The following CNST variants were observed in gnomAD, a reference collection of about 807,000 sequenced individuals.
The protein encoded by CNST is consortin, connexin sorting protein, also known as consortin.
CNST carries 39 observed loss-of-function variants against 72.4 expected under a neutral mutation model. The observed-to-expected ratio is 0.54, with a 90% CI of 0.42 to 0.70. CNST has a LOEUF of 0.70. Among genes scored for constraint, CNST ranks in the 30% least tolerant of loss-of-function variants. The pLI is 0.00. For missense variants in CNST, 871 were observed against 868.5 expected, an observed-to-expected ratio of 1.00 and a Z score of -0.04; for synonymous variants, 332 against 320.1, an observed-to-expected ratio of 1.04 and a Z score of -0.40.
In CNST at chr1:246,578,650, A is replaced by G. The variant is rs537158017; in HGVS notation, c.-52+11987A>G. On this transcript the variant is annotated intron_variant, in intron 1 of 10. Transcript: ENST00000366513. ...CGTGCCACTGCACTCCAGCCTAGGC[A>G]ACAGAGAGACTCCGTTTCAAAAAAA... Among the ~76,000 whole-genome samples the G allele has an allele frequency of 5.3e-5, 8 of 152,138 alleles. No individual in the cohort carries two copies. In the South Asian group the frequency reaches 8.3e-4, roughly 16 times the overall value.
At chr1:246,659,908 A>G (rs753954036) in intron 9 of CNST, among the ~76,000 whole-genome samples, 3 of 152,232 alleles carry the variant, frequency 2.0e-5, no homozygotes, top group Non-Finnish European at 4.4e-5. Context: ...AAGTTAAGCT[A>G]CAAAGCAAGG....
At chr1:246,604,799 G>A (rs905133941) in intron 2 of CNST, among the ~76,000 whole-genome samples, 1 of 151,574 alleles carries the variant, frequency 6.6e-6, no homozygotes, top group Non-Finnish European at 1.5e-5. Context: ...CTCCCAAGTA[G>A]CTGGGATTAC....
intron 9 of CNST, among the ~76,000 whole-genome samples, chr1:246,650,039 T>C (rs1431652468): frequency 2.0e-5 from 3 of 152,024 alleles, no homozygotes; most frequent in Non-Finnish European, 2.9e-5. Context: ...TCCCAAATTA[T>C]TTTTCCCCAC....
intron 2 of CNST, among the ~76,000 whole-genome samples, chr1:246,608,650 G>A (rs1022533651): frequency 2.0e-5 from 3 of 152,188 alleles, no homozygotes; most frequent in African/African-American, 4.8e-5. Flanking sequence ...ATTTAAGCCC[G>A]TGGGTTACCT....
intron 8 of CNST, among the ~76,000 whole-genome samples, chr1:246,645,759 T>C (rs574308574): frequency 3.3e-5 from 5 of 152,284 alleles, no homozygotes; most frequent in African/African-American, 1.2e-4. Flanking sequence ...TAGTTATGAA[T>C]GCTAAGTGTA....
intron 2 of CNST, among the ~76,000 whole-genome samples, chr1:246,615,609 T>C (rs1405164262): frequency 6.9e-6 from 1 of 143,950 alleles, no homozygotes; most frequent in African/African-American, 2.6e-5. Flanking sequence ...CCGGGCACGG[T>C]GGCTCACGCC....
intron 1 of CNST, among the ~76,000 whole-genome samples, chr1:246,588,154 G>A (rs1661310527): frequency 6.6e-6 from 1 of 151,974 alleles, no homozygotes; most frequent in African/African-American, 2.4e-5. Flanking sequence ...TTTTATTAAA[G>A]AAATGTTAAA....
chr1:246,606,683 C>G (rs558200642), intron 2 of CNST: 1 of 151,208 alleles, frequency 6.6e-6, no homozygotes, highest in African/African-American at 2.4e-5. Flanking sequence ...CCGTAATATT[C>G]GATGATCCAT....
At chr1:246,588,420 G>C (rs908877656) in intron 1 of CNST, among the ~76,000 whole-genome samples, 19 of 152,074 alleles carry the variant, frequency 1.2e-4, no homozygotes, top group Non-Finnish European at 2.5e-4. Flanking sequence ...ATTTGCATTT[G>C]TTTAATTACA....
rs137943895 is a variant in CNST, at chr1:246,602,157, A to G, written c.379+10216A>G. Reference sequence around the variant, plus strand: ...TGGGAAAGGTGTTTGTTACAATTGAAAGTACAAACGTCAGAGGAAGGGATC... The same window carrying G: ...TGGGAAAGGTGTTTGTTACAATTGAGAGTACAAACGTCAGAGGAAGGGATC... On this transcript the variant is annotated intron_variant, in intron 2 of 10. Transcript: ENST00000366513. 1.8e-4 allele frequency among the ~76,000 whole-genome samples: 28 copies of G among 152,342 alleles called. No homozygotes were observed. The East Asian group carries it at 5.0e-3, about 27-fold the overall frequency.
At chr1:246,644,588 C>T (rs752348638) in intron 8 of CNST, among the ~76,000 whole-genome samples, 48 of 152,110 alleles carry the variant, frequency 3.2e-4, no homozygotes, top group Non-Finnish European at 4.9e-4. Flanking sequence ...CCAGGTTGTG[C>T]GGTGGCTCCA....
At position 246,644,584 on chromosome 1, in the gene CNST, T is replaced by G. The variant is rs1431684593; in HGVS notation, c.937+2547T>G. On this transcript the variant is annotated intron_variant, in intron 8 of 10. Transcript: ENST00000366513. ...CTGGTGATTATGACTGAACCCAGGTTGTGCGGTGGCTCCAGCAGGAGCAGC... is the reference window on the plus strand; with the variant it reads ...CTGGTGATTATGACTGAACCCAGGTGGTGCGGTGGCTCCAGCAGGAGCAGC... Among the ~76,000 whole-genome samples, 7 of 152,260 alleles carry G rather than the reference T, an allele frequency of 4.6e-5. No individual in the cohort carries two copies. The East Asian group carries it at 1.4e-3, about 29-fold the overall frequency.
At position 246,576,696 on chromosome 1, in the gene CNST, A is replaced by G. The variant is rs145228133; in HGVS notation, c.-52+10033A>G. Among the ~76,000 whole-genome samples, 72 of 151,792 alleles carry G rather than the reference A, an allele frequency of 4.7e-4. 1 individual carries two copies. The highest frequency in any genetic ancestry group is 1.7e-3 in the African/African-American group (69 of 41,232). ...TTTAATAGAGACGGGATTTTTCCAT[A>G]TTGGCCAGGTTGGTCTCTAACTCCT... On this transcript the variant is annotated intron_variant, in intron 1 of 10. Transcript: ENST00000366513.
Position 246,589,449 on chromosome 1 carries a change from A to C in CNST, c.-51-2063A>C, listed in dbSNP as rs553893918. On this transcript the variant is annotated intron_variant, in intron 1 of 10. Transcript: ENST00000366513. ...TCCCTACAAAGGACATGAACTCATC[A>C]TTTTTTATGGATGCATAGTATTCCA... Among the ~76,000 whole-genome samples the C allele has an allele frequency of 5.9e-4, 89 of 151,944 alleles. 1 individual carries two copies. The South Asian group carries it at 0.015, about 26-fold the overall frequency.
At chr1:246,619,911 A>G (rs1572187945) in intron 2 of CNST, among the ~76,000 whole-genome samples, 1 of 140,914 alleles carries the variant, frequency 7.1e-6, no homozygotes, top group African/African-American at 2.7e-5. Context: ...TCAGTCGTGC[A>G]TACACACGAT....
chr1:246,648,339 G>A (rs983551326), intron 9 of CNST: 1 of 580,484 alleles, frequency 1.7e-6, no homozygotes, highest in African/African-American at 2.0e-5. Flanking sequence ...CCAGATATTG[G>A]AATCAAAACC....
intron 1 of CNST, among the ~76,000 whole-genome samples, chr1:246,568,494 T>A (rs1433918065): frequency 6.6e-6 from 1 of 152,258 alleles, no homozygotes; most frequent in Non-Finnish European, 1.5e-5. Context: ...TGATCAGGAT[T>A]TAGACATACT....
intron 9 of CNST, among the ~76,000 whole-genome samples, chr1:246,658,435 T>C (rs1172647438): frequency 3.3e-5 from 5 of 152,124 alleles, no homozygotes; most frequent in Admixed American, 2.6e-4. Context: ...ATACATTATT[T>C]CCTATAAAAA....
chr1:246,648,914 T>C (rs1435920155), intron 9 of CNST, among the ~76,000 whole-genome samples: 1 of 152,190 alleles, frequency 6.6e-6, no homozygotes, highest in African/African-American at 2.4e-5. Flanking sequence ...AAAGCCAAAG[T>C]AGACAGTAAA....
Sources: gnomAD v4.1 joint callset for allele counts (sites outside exome capture counted in the v4.1 genomes callset) on GRCh38, gnomAD v4.1.1 for gene constraint, MANE v1.5 for transcripts, NCBI Gene and HGNC (gene_info 2026-07-23, HGNC 2026-07-21) for gene names.